CEMIP: variants seen among roughly 807,000 people sequenced by gnomAD.
The protein encoded by CEMIP is cell migration inducing hyaluronidase 1.
Under a neutral mutation model 156.9 loss-of-function variants are expected in CEMIP, and 105 were observed. The ratio of observed to expected loss-of-function variants is 0.67; its 90% confidence interval spans 0.57 to 0.79. CEMIP has a LOEUF of 0.79. CEMIP is among the 30% of genes least tolerant of loss of function. The pLI is 0.00. For synonymous variants in CEMIP, 676 were observed against 668.4 expected, an observed-to-expected ratio of 1.01 and a Z score of -0.17; for missense variants, 1,457 against 1,769.4, an observed-to-expected ratio of 0.82 and a Z score of 3.17.
chr15:80,900,363 A>G (rs1340503522), intron 12 of CEMIP, among the ~76,000 whole-genome samples: 1 of 151,916 alleles, frequency 6.6e-6, no homozygotes, highest in Non-Finnish European at 1.5e-5. Flanking sequence ...CAAGCGGGAG[A>G]GGATAAGTGG....
chr15:80,859,273 C>T (rs370060244), intron 1 of CEMIP, among the ~76,000 whole-genome samples: 12 of 152,302 alleles, frequency 7.9e-5, no homozygotes, highest in African/African-American at 2.4e-4. Flanking sequence ...GGGCTGAATT[C>T]GGGAGCAGGA....
At chr15:80,917,344 G>T (rs1900312295) in intron 14 of CEMIP, among the ~76,000 whole-genome samples, 1 of 152,138 alleles carries the variant, frequency 6.6e-6, no homozygotes, top group South Asian at 2.1e-4. Flanking sequence ...GATCACAGCT[G>T]CAGAATGAGG....
intron 1 of CEMIP, among the ~76,000 whole-genome samples, chr15:80,862,211 A>G (rs950038486): frequency 2.0e-5 from 3 of 152,078 alleles, no homozygotes; most frequent in Non-Finnish European, 4.4e-5. Context: ...CCATGCATCC[A>G]CTGATTTATA....
intron 13 of CEMIP, among the ~76,000 whole-genome samples, chr15:80,908,553 T>C (rs1229251169): frequency 6.6e-6 from 1 of 151,998 alleles, no homozygotes; most frequent in Non-Finnish European, 1.5e-5. Flanking sequence ...GTGAAGTGAG[T>C]GTGTGGCATT....
chr15:80,899,780 A>G (rs1480405701), intron 12 of CEMIP, among the ~76,000 whole-genome samples: 1 of 152,112 alleles, frequency 6.6e-6, no homozygotes, highest in Non-Finnish European at 1.5e-5. Context: ...TATAGGAGGG[A>G]GCCAAGAAAA....
At chr15:80,799,985 G>C (rs1295027835) in intron 1 of CEMIP, among the ~76,000 whole-genome samples, 1 of 149,272 alleles carries the variant, frequency 6.7e-6, no homozygotes, top group Non-Finnish European at 1.5e-5. Flanking sequence ...TGAGTAGCTG[G>C]GACTACAGGC....
At chr15:80,822,892 C>T (rs1213347170) in intron 1 of CEMIP, among the ~76,000 whole-genome samples, 3 of 152,160 alleles carry the variant, frequency 2.0e-5, no homozygotes, top group Admixed American at 1.3e-4. Flanking sequence ...GCTTTTCAAA[C>T]AGATGGTCAG....
chr15:80,780,152 G>A (rs897807816), intron 1 of CEMIP, among the ~76,000 whole-genome samples: 4 of 152,214 alleles, frequency 2.6e-5, no homozygotes, highest in Admixed American at 2.6e-4. Context: ...GTGCCTCCGG[G>A]ACAGCGCTAG....
intron 14 of CEMIP, among the ~76,000 whole-genome samples, chr15:80,911,136 C>A (rs1244146441): frequency 1.3e-5 from 2 of 152,134 alleles, no homozygotes; most frequent in African/African-American, 4.8e-5. Flanking sequence ...CAGGATTGAG[C>A]AAGCAGAGAA....
chr15:80,925,513 A>G (rs1208177062), intron 18 of CEMIP, 111 bp from the exon 19 acceptor site: 16 of 1,461,100 alleles, frequency 1.1e-5, no homozygotes, highest in African/African-American at 8.4e-5. Context: ...TGTTCAGTCA[A>G]TGCCTTCCTG....
intron 1 of CEMIP, among the ~76,000 whole-genome samples, chr15:80,859,621 A>C (rs1897936592): frequency 6.6e-6 from 1 of 152,264 alleles, no homozygotes; most frequent in Non-Finnish European, 1.5e-5. Flanking sequence ...CTGGGTCTAA[A>C]CACAGATCTC....
rs116483143 is a variant in CEMIP, at chr15:80,949,524, T to C, written c.*600T>C. The stretch of plus-strand genomic sequence containing the variant: ...AGACTTTGAGTGGCAGGTTTGGACT[T>C]GGACTAGATGACTCTCAAAGGCCCT... On this transcript the variant is annotated 3_prime_UTR_variant, in exon 30 of 30. Coordinates refer to ENST00000394685, the MANE Select transcript of CEMIP (RefSeq NM_001293298.2). 8,308 of 171,500 alleles carry C rather than the reference T, an allele frequency of 0.048. 258 individuals are homozygous for C. Among genetic ancestry groups the C allele is most frequent in the Middle Eastern group, 0.17 (57 of 330 alleles). The allele number at this position is 171,500 out of a possible 1,614,324, so 10.6% of individuals were successfully genotyped here. A position where few individuals can be genotyped will look rare whatever the true frequency, so the allele number is the denominator to read the frequency against.
chr15:80,932,095 A>C lies in CEMIP; in HGVS notation c.2793+56A>C, dbSNP rs1162897482. The C allele has an allele frequency of 6.3e-7, 1 of 1,589,708 alleles. No homozygotes were observed. The highest frequency in any genetic ancestry group is 8.6e-7 in the Non-Finnish European group (1 of 1,167,074). On this transcript the variant is annotated intron_variant, in intron 22 of 29. Coordinates refer to ENST00000394685, the MANE Select transcript of CEMIP (RefSeq NM_001293298.2). The surrounding 1 kb of genome is among the most constrained non-coding windows in gnomAD (Gnocchi z 4.5). ...AAACCCAGACTTTGGATGGTGATTCACAAGTCCCCTGGGTCCCAGAGTTTG... is the reference window on the plus strand; with the variant it reads ...AAACCCAGACTTTGGATGGTGATTCCCAAGTCCCCTGGGTCCCAGAGTTTG...
At chr15:80,861,956 C>T (rs1897996991) in intron 1 of CEMIP, among the ~76,000 whole-genome samples, 1 of 152,156 alleles carries the variant, frequency 6.6e-6, no homozygotes. Flanking sequence ...CATCACCTGA[C>T]CTTTTAGCTG....
intron 1 of CEMIP, among the ~76,000 whole-genome samples, chr15:80,780,199 G>A (rs1277359083): frequency 6.6e-6 from 1 of 152,240 alleles, no homozygotes; most frequent in Non-Finnish European, 1.5e-5. Context: ...CCGAGCTGAG[G>A]CAATTGCAAT....
chr15:80,860,203 AAGT>A lies in CEMIP; in HGVS notation c.-175-13331_-175-13329del, dbSNP rs577522487. On this transcript the variant is annotated intron_variant, in intron 1 of 29. Transcript: ENST00000394685. ...TTAGAATTACACTTCTATCATACAAAAGTAGTTTGAACAGACAAAACAGAGCCA... is the reference window on the plus strand; with the variant it reads ...TTAGAATTACACTTCTATCATACAAAAGTTTGAACAGACAAAACAGAGCCA... Among the ~76,000 whole-genome samples, 259 of 152,292 alleles carry A rather than the reference AAGT, an allele frequency of 1.7e-3. 2 individuals are homozygous for A. Among genetic ancestry groups the A allele is most frequent in the African/African-American group, 6.1e-3 (255 of 41,556 alleles).
intron 1 of CEMIP, chr15:80,842,094 G>C (rs777807091): frequency 3.8e-6 from 2 of 529,540 alleles, no homozygotes; most frequent in East Asian, 5.5e-5. Flanking sequence ...GTGATGCCAG[G>C]TTCTCAACAG....
intron 17 of CEMIP, among the ~76,000 whole-genome samples, chr15:80,924,106 A>G (rs929336865): frequency 1.3e-5 from 2 of 152,198 alleles, no homozygotes; most frequent in African/African-American, 4.8e-5. Context: ...CATGGCTGAC[A>G]AAGTGGACAT....
intron 1 of CEMIP, among the ~76,000 whole-genome samples, chr15:80,841,326 G>A (rs939662270): frequency 1.1e-4 from 17 of 152,166 alleles, no homozygotes; most frequent in African/African-American, 3.9e-4. Flanking sequence ...GACACCCAGG[G>A]CCACCTAAAC....
Sources: gnomAD v4.1 joint callset for allele counts (sites outside exome capture counted in the v4.1 genomes callset) on GRCh38, gnomAD v4.1.1 for gene constraint, Gnocchi (gnomAD v3.1) non-coding constraint, MANE v1.5 for transcripts, NCBI Gene and HGNC (gene_info 2026-07-23, HGNC 2026-07-21) for gene names.